Variants in PLEKHH1 observed in about 807,000 individuals in gnomAD.
PLEKHH1 encodes pleckstrin homology, MyTH4 and FERM domain containing H1.
A neutral mutation model predicts 160.0 loss-of-function variants in PLEKHH1; 104 were observed. The observed-to-expected ratio is 0.65, with a 90% CI of 0.55 to 0.76. The LOEUF is 0.76. Ranked by LOEUF, PLEKHH1 falls within the 30% of genes least tolerant of loss-of-function variation. The pLI is 0.00. For synonymous variants in PLEKHH1, 619 were observed against 678.4 expected, an observed-to-expected ratio of 0.91 and a Z score of 1.36; for missense variants, 1,427 against 1,724.1, an observed-to-expected ratio of 0.83 and a Z score of 3.05.
intron 28 of PLEKHH1, 102 bp downstream of exon 28, chr14:67,586,199 G>T: frequency 1.5e-6 from 2 of 1,361,650 alleles, no homozygotes; most frequent in Non-Finnish European, 1.0e-6. Context: ...CAAGGGCCCT[G>T]CCCAGATAAA....
At chr14:67,565,568 C>T (rs2035051171) in intron 7 of PLEKHH1, among the ~76,000 whole-genome samples, 1 of 152,214 alleles carries the variant, frequency 6.6e-6, no homozygotes, top group South Asian at 2.1e-4. Flanking sequence ...TGAAGCCCAG[C>T]TCTCACATTC....
At chr14:67,581,982 TGGAAATAAAGG>T in intron 23 of PLEKHH1, 76 bp from the exon 24 acceptor site, 3 of 1,320,340 alleles carry the variant, frequency 2.3e-6, no homozygotes, top group African/African-American at 3.0e-5. Flanking sequence ...TTTATCTTTT[TGGAAATAAAGG>T]TAACAGACCC....
chr14:67,579,122 C>T lies in PLEKHH1; in HGVS notation c.2850-12C>T, dbSNP rs1487203086. The T allele has an allele frequency of 1.3e-6, 2 of 1,509,984 alleles. No homozygotes were observed. The highest frequency in any genetic ancestry group is 3.5e-5 in the African/African-American group (2 of 56,478). The allele number at this position is 1,509,984 out of a possible 1,614,324, so 93.5% of individuals were successfully genotyped here. A position where few individuals can be genotyped will look rare whatever the true frequency, so the allele number is the denominator to read the frequency against. ...GCAGAGCCCATAATACTCCCCTCTT[C>T]CGTCTTTTTAGAAGTGAAACTGGCC... On this transcript the variant is annotated splice_polypyrimidine_tract_variant and intron_variant, in intron 20 of 28. Coordinates refer to ENST00000329153, the MANE Select transcript of PLEKHH1 (RefSeq NM_020715.3).
At position 67,579,883 on chromosome 14, in the gene PLEKHH1, G is replaced by A. The variant is rs547988627; in HGVS notation, c.3183+7G>A. 2.5e-6 allele frequency: 4 copies of A among 1,593,606 alleles called. No individual in the cohort carries two copies. Among genetic ancestry groups the A allele is most frequent in the Admixed American group, 3.5e-5 (2 of 57,342 alleles). On this transcript the variant is annotated splice_region_variant and intron_variant, in intron 22 of 28. Transcript: ENST00000329153. Reference sequence around the variant, plus strand: ...CCTGCAGGGAAGTGTCAAGGTGACAGCCTCCCACTAAGCCAGCTGAGCCCC... The same window carrying A: ...CCTGCAGGGAAGTGTCAAGGTGACAACCTCCCACTAAGCCAGCTGAGCCCC...
At chr14:67,545,957 A>C (rs1355006284) in intron 2 of PLEKHH1, among the ~76,000 whole-genome samples, 1 of 152,196 alleles carries the variant, frequency 6.6e-6, no homozygotes, top group Non-Finnish European at 1.5e-5. Flanking sequence ...AAAAAAAAAA[A>C]AAGTTGAAAA....
chr14:67,538,461 C>G (rs1272009548), intron 1 of PLEKHH1, among the ~76,000 whole-genome samples: 4 of 152,226 alleles, frequency 2.6e-5, no homozygotes, highest in African/African-American at 9.7e-5. Context: ...GTTACAAACT[C>G]TACTGCAAAT....
Position 67,562,801 on chromosome 14 carries a change from A to G in PLEKHH1, c.1170A>G (p.Glu390=), listed in dbSNP as rs578252734. 30 of 1,613,808 alleles carry G rather than the reference A, an allele frequency of 1.9e-5. No homozygotes were observed. The South Asian group carries it at 2.6e-4, about 14-fold the overall frequency. The change falls in exon 7 of 29, where the codon GAA becomes GAG. Residue 390 remains glutamate, a synonymous_variant. Coordinates refer to ENST00000329153, the MANE Select transcript of PLEKHH1 (RefSeq NM_020715.3). The stretch of plus-strand genomic sequence containing the variant: ...CACCCCCAGCAGGGAAGAATGAGGA[A>G]AGAGAGAGCCCAAAGGCCCTTGGAG... ...EEPPPAGKNE[E]RESPKALGAE...
chr14:67,555,815 G>A lies in PLEKHH1; in HGVS notation c.127-10G>A, dbSNP rs1429194907. 5 of 1,613,066 alleles carry A rather than the reference G, an allele frequency of 3.1e-6. No homozygotes were observed. The highest frequency in any genetic ancestry group is 4.2e-6 in the Non-Finnish European group (5 of 1,179,494). On this transcript the variant is annotated splice_polypyrimidine_tract_variant and intron_variant, in intron 2 of 28. Coordinates refer to ENST00000329153, the MANE Select transcript of PLEKHH1 (RefSeq NM_020715.3). ...GCACCTACATCTCCCCTTTCTCTCT[G>A]GCCAAGCAGATGCAGGAGCTGGAGC...
intron 2 of PLEKHH1, among the ~76,000 whole-genome samples, chr14:67,550,564 C>A (rs1566729606): frequency 6.6e-6 from 1 of 152,140 alleles, no homozygotes; most frequent in Non-Finnish European, 1.5e-5. Context: ...CAAATGTTTG[C>A]AGTTAATTTA....
At chr14:67,537,012 C>A (rs1018879476) in intron 1 of PLEKHH1, among the ~76,000 whole-genome samples, 3 of 150,150 alleles carry the variant, frequency 2.0e-5, no homozygotes, top group Non-Finnish European at 4.4e-5. Flanking sequence ...TGTACTCCAG[C>A]CTGGGTGACA....
At position 67,586,029 on chromosome 14, in the gene PLEKHH1, T is replaced by G; in HGVS notation, c.3865T>G (p.Ser1289Ala). ...CRDDFMLVIRSIPDKSSGKSH... is the reference protein window; with the variant it reads ...CRDDFMLVIRAIPDKSSGKSH... ...GGATGACTTCATGCTTGTGATTAGA[T>G]CTATCCCAGACAAGAGCTCTGGAAA... Residue 1289 changes from serine to alanine, a missense_variant, in exon 28 of 29, where the codon TCT becomes GCT. Around this residue, in one of 6 missense-constraint regions of PLEKHH1, gnomAD observed 96 missense variants for 97.6 expected, o/e 0.98. Transcript: ENST00000329153. 6.2e-7 allele frequency: 1 copy of G among 1,613,874 alleles called. No homozygotes were observed. The highest frequency in any genetic ancestry group is 8.5e-7 in the Non-Finnish European group (1 of 1,179,786).
At chr14:67,557,446 A>G in intron 4 of PLEKHH1, 28 bp downstream of exon 4, 3 of 1,606,148 alleles carry the variant, frequency 1.9e-6, no homozygotes, top group Non-Finnish European at 2.5e-6. Context: ...AGGGAGCACC[A>G]TGCCCTCTTC....
intron 26 of PLEKHH1, 83 bp downstream of exon 26, chr14:67,584,207 CT>C: frequency 7.0e-7 from 1 of 1,422,256 alleles, no homozygotes; most frequent in South Asian, 1.2e-5. Flanking sequence ...TTTGCAGCCC[CT>C]ACCTCCATAC....
At chr14:67,535,370 C>CTTTTTT (rs71129833) in intron 1 of PLEKHH1, among the ~76,000 whole-genome samples, 7 of 74,228 alleles carry the variant, frequency 9.4e-5, no homozygotes, top group African/African-American at 1.8e-4. Flanking sequence ...GTGAGCACAT[C>CTTTTTT]TTTTTTTTTT....
At position 67,582,590 on chromosome 14, in the gene PLEKHH1, G is replaced by A. The variant is rs1207500235; in HGVS notation, c.3426+380G>A. The stretch of plus-strand genomic sequence containing the variant: ...TGTCAGCACTTTGCGAGGCCGAGGC[G>A]GGCAGATCACCTGAGGCCAGGAGTT... On this transcript the variant is annotated intron_variant, in intron 24 of 28. Coordinates refer to ENST00000329153, the MANE Select transcript of PLEKHH1 (RefSeq NM_020715.3). The surrounding 1 kb of genome is among the most constrained non-coding windows in gnomAD (Gnocchi z 5.0). Among the ~76,000 whole-genome samples, 5 of 152,082 alleles carry A rather than the reference G, an allele frequency of 3.3e-5. No homozygotes were observed. The highest frequency in any genetic ancestry group is 5.9e-5 in the Non-Finnish European group (4 of 68,026).
chr14:67,553,789 A>T (rs2034489816), intron 2 of PLEKHH1, among the ~76,000 whole-genome samples: 1 of 152,258 alleles, frequency 6.6e-6, no homozygotes, highest in Admixed American at 6.5e-5. Flanking sequence ...CCTCTGGGAC[A>T]GGCCTGAGGA....
intron 1 of PLEKHH1, among the ~76,000 whole-genome samples, chr14:67,534,496 T>C (rs1290710204): frequency 6.6e-6 from 1 of 152,066 alleles, no homozygotes; most frequent in Non-Finnish European, 1.5e-5. Flanking sequence ...CTGATGATCC[T>C]GTCTGTTAAA....
At chr14:67,555,736 T>C in intron 2 of PLEKHH1, 89 bp from the exon 3 acceptor site, 3 of 1,554,386 alleles carry the variant, frequency 1.9e-6, no homozygotes, top group Non-Finnish European at 2.6e-6. Context: ...CTGTGTGCAG[T>C]GTGTGCACAG....
chr14:67,557,144 T>A, intron 3 of PLEKHH1, 125 bp from the exon 4 acceptor site: 2 of 686,218 alleles, frequency 2.9e-6, no homozygotes, highest in Non-Finnish European at 4.9e-6. Flanking sequence ...CAGACTGCCC[T>A]GGGTAAGGGC....
Sources: allele counts gnomAD v4.1 joint callset (sites outside exome capture counted in the v4.1 genomes callset), GRCh38; gene constraint gnomAD v4.1.1; regional missense constraint gnomAD v4.1.1; non-coding constraint Gnocchi (gnomAD v3.1); transcripts MANE v1.5; gene names NCBI Gene and HGNC (gene_info 2026-07-23, HGNC 2026-07-21).